Variants in ZNF131 observed in about 807,000 individuals in gnomAD.
ZNF131 encodes the protein zinc finger protein 131.
ZNF131 carries 7 observed loss-of-function variants against 60.0 expected under a neutral mutation model. The ratio of observed to expected loss-of-function variants is 0.12; its 90% CI spans 0.07 to 0.22. The LOEUF is 0.22. Among genes scored for constraint, ZNF131 ranks in the 10% least tolerant of loss-of-function variants. ZNF131 has a pLI of 1.00. For missense variants in ZNF131, 493 were observed against 740.9 expected, an observed-to-expected ratio of 0.67 and a Z score of 3.88; for synonymous variants, 257 against 253.2, an observed-to-expected ratio of 1.01 and a Z score of -0.14.
chr5:43,146,767 A>G (rs564753960), intron 4 of ZNF131, among the ~76,000 whole-genome samples: 8 of 151,418 alleles, frequency 5.3e-5, no homozygotes, highest in Admixed American at 1.3e-4. Context: ...TTAGCCGGAC[A>G]TGGTGGCGTG....
intron 4 of ZNF131, among the ~76,000 whole-genome samples, chr5:43,151,240 TC>T (rs985998560): frequency 2.0e-5 from 3 of 152,206 alleles, no homozygotes; most frequent in Non-Finnish European, 2.9e-5. Flanking sequence ...ATTGGATTAC[TC>T]CTATTAGGGA....
rs866503500 is a variant in ZNF131 at position 43,161,245 on chromosome 5, T to G, written c.372-4T>G. On this transcript the variant is annotated splice_polypyrimidine_tract_variant and splice_region_variant and intron_variant, in intron 4 of 6. Coordinates refer to ENST00000682664, the MANE Select transcript of ZNF131 (RefSeq NM_001330707.2). ...TTTTTAAACCCCTACATTATGTATT[T>G]CAGGAACAAAGAAAACTCAGCTCCC... 1 of 1,588,014 alleles carries G rather than the reference T, an allele frequency of 6.3e-7. No individual in the cohort carries two copies.
intron 5 of ZNF131, among the ~76,000 whole-genome samples, chr5:43,172,286 C>A (rs1751087275): frequency 6.6e-6 from 1 of 152,164 alleles, no homozygotes; most frequent in Non-Finnish European, 1.5e-5. Flanking sequence ...ATACAACATA[C>A]TCAGAAATGT....
intron 3 of ZNF131, among the ~76,000 whole-genome samples, chr5:43,138,307 A>T (rs1746388568): frequency 6.6e-6 from 1 of 152,190 alleles, no homozygotes; most frequent in Non-Finnish European, 1.5e-5. Context: ...GGGTGGTAGG[A>T]TGAGTATAAC....
chr5:43,142,973 G>A (rs1380062391), intron 4 of ZNF131, among the ~76,000 whole-genome samples: 3 of 151,760 alleles, frequency 2.0e-5, no homozygotes, highest in African/African-American at 7.3e-5. Context: ...CGGGATTGCA[G>A]GCATAAGCCA....
At chr5:43,121,803 A>G (rs1489410896) in intron 1 of ZNF131, 6 of 311,038 alleles carry the variant, frequency 1.9e-5, no homozygotes, top group Admixed American at 5.0e-5. Flanking sequence ...ACCCCGCTCT[A>G]GCTCGCGTCT....
At chr5:43,168,358 C>T (rs943434567) in intron 5 of ZNF131, among the ~76,000 whole-genome samples, 4 of 152,168 alleles carry the variant, frequency 2.6e-5, no homozygotes, top group Admixed American at 2.6e-4. Flanking sequence ...GAAACATACA[C>T]AGTCACAGAG....
At chr5:43,173,497 T>G in intron 6 of ZNF131, 49 bp downstream of exon 6, 1 of 1,574,926 alleles carries the variant, frequency 6.3e-7, no homozygotes, top group Non-Finnish European at 8.7e-7. Context: ...GTCTTGTGTT[T>G]GCAGTCATCA....
At chr5:43,141,682 C>T (rs1287486290) in intron 4 of ZNF131, among the ~76,000 whole-genome samples, 5 of 151,620 alleles carry the variant, frequency 3.3e-5, no homozygotes, top group East Asian at 3.9e-4. Flanking sequence ...GTGGTACGAT[C>T]GCTTGAGCAT....
chr5:43,164,498 G>T (rs1750118638), intron 5 of ZNF131, among the ~76,000 whole-genome samples: 1 of 152,182 alleles, frequency 6.6e-6, no homozygotes, highest in African/African-American at 2.4e-5. Context: ...ACAAACATTG[G>T]TAAGTAACTT....
intron 5 of ZNF131, among the ~76,000 whole-genome samples, chr5:43,169,741 A>G (rs772479013): frequency 4.6e-5 from 7 of 152,060 alleles, no homozygotes. Flanking sequence ...CATATGTTCA[A>G]GTAATTTCAT....
chr5:43,160,166 A>AAATCTTTCACTAAC, intron 4 of ZNF131, among the ~76,000 whole-genome samples: 1 of 148,238 alleles, frequency 6.7e-6, no homozygotes, highest in East Asian at 2.0e-4. Flanking sequence ...ACAGAGCGAG[A>AAATCTTTCACTAAC]CTCCATCTCA....
chr5:43,121,637 CGTTGTGG>C (rs1743827593), intron 1 of ZNF131: 1 of 152,164 alleles, frequency 6.6e-6, no homozygotes, highest in Non-Finnish European at 1.4e-5. Flanking sequence ...ACCCGAGAGT[CGTTGTGG>C]GTCGCGGGCC....
intron 5 of ZNF131, among the ~76,000 whole-genome samples, chr5:43,163,740 A>G (rs1750032109): frequency 6.6e-6 from 1 of 152,224 alleles, no homozygotes; most frequent in Non-Finnish European, 1.5e-5. Context: ...AGTCTTTGTT[A>G]TATGTGGTGG....
chr5:43,128,131 A>G (rs3797309), intron 3 of ZNF131, among the ~76,000 whole-genome samples: 14,842 of 152,180 alleles, frequency 0.098, 862 homozygotes, highest in East Asian at 0.19. Flanking sequence ...TCACTTTAAC[A>G]TTTTCCTTAG....
At chr5:43,160,612 G>T (rs1309654735) in intron 4 of ZNF131, among the ~76,000 whole-genome samples, 2 of 151,384 alleles carry the variant, frequency 1.3e-5, no homozygotes, top group East Asian at 3.9e-4. Context: ...ATGAGGTAAA[G>T]GTTGAGGCTT....
chr5:43,143,522 G>T, intron 4 of ZNF131: 1 of 686,506 alleles, frequency 1.5e-6, no homozygotes, highest in Non-Finnish European at 2.2e-6. Flanking sequence ...GCCAGACATC[G>T]TTTCTTATTG....
intron 5 of ZNF131, among the ~76,000 whole-genome samples, chr5:43,165,850 T>A (rs913362680): frequency 6.6e-6 from 1 of 152,262 alleles, no homozygotes; most frequent in African/African-American, 2.4e-5. Flanking sequence ...AGTACAAGGC[T>A]GTTTTGTCTA....
At chr5:43,136,159 C>T (rs1212420757) in intron 3 of ZNF131, among the ~76,000 whole-genome samples, 2 of 152,192 alleles carry the variant, frequency 1.3e-5, no homozygotes, top group African/African-American at 4.8e-5. Context: ...TGAGCATCAA[C>T]ATGACTCAAC....
Sources: gnomAD v4.1 joint callset for allele counts (sites outside exome capture counted in the v4.1 genomes callset) on GRCh38, gnomAD v4.1.1 for gene constraint, MANE v1.5 for transcripts, NCBI Gene and HGNC (gene_info 2026-07-23, HGNC 2026-07-21) for gene names.